PLAA: variants seen among roughly 807,000 people sequenced by gnomAD.
PLAA encodes phospholipase A2 activating protein.
Under a neutral mutation model 84.1 loss-of-function variants are expected in PLAA, and 48 were observed. The observed-to-expected ratio is 0.57, with a 90% confidence interval of 0.45 to 0.73. The LOEUF is 0.73. PLAA is among the 30% of genes least tolerant of loss of function. The pLI is 0.00. For synonymous variants in PLAA, 392 were observed against 336.6 expected (o/e 1.16, Z -1.80); for missense variants, 903 against 954.7 (o/e 0.95, Z 0.71).
In PLAA at chr9:26,935,057, T is replaced by C. The variant is rs1045907951; in HGVS notation, c.299A>G (p.Asp100Gly). 5.6e-6 allele frequency: 9 copies of C among 1,609,306 alleles called. No individual in the cohort carries two copies. The highest frequency in any genetic ancestry group is 7.6e-6 in the Non-Finnish European group (9 of 1,178,386). ...NDHNICIFSL[D>G]SPMPLYILKG... ...TAGAATATAAAGTGGCATTGGACTG[T>C]CCAGTGAGAAAATGCATATATTGTG... The change falls in exon 2 of 14, where the codon GAC (aspartate) becomes GGC (glycine). Residue 100 changes from aspartate to glycine, a missense_variant. Transcript: ENST00000397292.
rs1368698931 is a variant in PLAA, at chr9:26,905,026, A to C, written c.*485T>G. ...TATTGTTTTAATATATGAATTTATAAATTATTTTATAAATTTAATATAATT... is the reference window on the plus strand; with the variant it reads ...TATTGTTTTAATATATGAATTTATACATTATTTTATAAATTTAATATAATT... On this transcript the variant is annotated 3_prime_UTR_variant, in exon 14 of 14. Coordinates refer to ENST00000397292, the MANE Select transcript of PLAA (RefSeq NM_001031689.3). The C allele has an allele frequency of 6.6e-6, 1 of 151,722 alleles. No homozygotes were observed. Among genetic ancestry groups the C allele is most frequent in the Non-Finnish European group, 1.5e-5 (1 of 67,894 alleles). 9.4% of individuals were successfully genotyped at this position (151,722 alleles called of 1,614,324 possible).
At chr9:26,920,525 G>T in intron 7 of PLAA, 141 bp from the exon 8 acceptor site, 2 of 538,018 alleles carry the variant, frequency 3.7e-6, no homozygotes, top group Non-Finnish European at 3.1e-6. Flanking sequence ...TCAAATAAAA[G>T]ATTTAAAAAT....
intron 11 of PLAA, among the ~76,000 whole-genome samples, chr9:26,911,632 T>C (rs142152369): frequency 9.8e-4 from 149 of 152,316 alleles, no homozygotes; most frequent in Middle Eastern, 6.8e-3. Flanking sequence ...AAGTCTCTAT[T>C]ATATTAACAG....
chr9:26,947,074 C>G lies in PLAA; in HGVS notation c.-29G>C. 2.6e-6 allele frequency: 4 copies of G among 1,545,300 alleles called. No individual in the cohort carries two copies. Among genetic ancestry groups the G allele is most frequent in the Non-Finnish European group, 3.5e-6 (4 of 1,146,540 alleles). On this transcript the variant is annotated 5_prime_UTR_variant, in exon 1 of 14. Coordinates refer to ENST00000397292, the MANE Select transcript of PLAA (RefSeq NM_001031689.3). ...CAGTGTCTGTCTGGCGCCCGGTGCC[C>G]AGGCACTGTGCGAGACCAGTCCGCA...
At chr9:26,933,209 A>G (rs1417111122) in intron 2 of PLAA, among the ~76,000 whole-genome samples, 2 of 152,012 alleles carry the variant, frequency 1.3e-5, no homozygotes, top group Non-Finnish European at 2.9e-5. Context: ...CAGACGTTGC[A>G]GTGAGCCAAG....
chr9:26,935,234 C>A, intron 1 of PLAA, 28 bp from the exon 2 acceptor site: 1 of 1,425,888 alleles, frequency 7.0e-7, no homozygotes, highest in Non-Finnish European at 9.4e-7. Flanking sequence ...TTAATAGATA[C>A]ATATTCGTAC....
chr9:26,918,633 T>C (rs141384806), intron 9 of PLAA, among the ~76,000 whole-genome samples: 4 of 152,248 alleles, frequency 2.6e-5, no homozygotes, highest in African/African-American at 7.2e-5. Context: ...CTGAAAAATG[T>C]TGAGTCAGAA....
intron 2 of PLAA, among the ~76,000 whole-genome samples, chr9:26,934,742 G>A: frequency 6.6e-6 from 1 of 151,962 alleles, no homozygotes; most frequent in Non-Finnish European, 1.5e-5. Context: ...CCCTCCCAAA[G>A]TGCTGGGATT....
intron 9 of PLAA, among the ~76,000 whole-genome samples, chr9:26,917,882 G>A (rs2131377038): frequency 6.6e-6 from 1 of 152,298 alleles, no homozygotes; most frequent in South Asian, 2.1e-4. Flanking sequence ...AACAAGCCAA[G>A]TGCTTCCTAG....
At chr9:26,923,929 C>T (rs1030606346) in intron 6 of PLAA, among the ~76,000 whole-genome samples, 5 of 152,194 alleles carry the variant, frequency 3.3e-5, no homozygotes, top group African/African-American at 1.2e-4. Flanking sequence ...ACACTTCCAA[C>T]TGTATTAATC....
chr9:26,911,441 A>G (rs1279957051), intron 11 of PLAA, among the ~76,000 whole-genome samples: 1 of 152,126 alleles, frequency 6.6e-6, no homozygotes, highest in African/African-American at 2.4e-5. Flanking sequence ...ATAAGCCACC[A>G]TGCCCAGCCT....
intron 11 of PLAA, among the ~76,000 whole-genome samples, chr9:26,913,447 T>C (rs1824455549): frequency 6.6e-6 from 1 of 152,158 alleles, no homozygotes; most frequent in Non-Finnish European, 1.5e-5. Flanking sequence ...GAACAATGTA[T>C]AATCCAGTGA....
At chr9:26,929,603 G>T (rs1017467475) in intron 2 of PLAA, among the ~76,000 whole-genome samples, 1 of 152,192 alleles carries the variant, frequency 6.6e-6, no homozygotes, top group Non-Finnish European at 1.5e-5. Context: ...AATCACAAAA[G>T]TCTCTCTACC....
chr9:26,934,174 A>G lies in PLAA; in HGVS notation c.343+839T>C, dbSNP rs1825280295. Among the ~76,000 whole-genome samples, 3 of 152,298 alleles carry G rather than the reference A, an allele frequency of 2.0e-5. No homozygotes were observed. The South Asian group carries it at 6.2e-4, about 32-fold the overall frequency. The stretch of plus-strand genomic sequence containing the variant: ...ACATGTTCCAAACTATTTCATTTAT[A>G]TTTTTAAAAAAGTACACTTACTGCA... On this transcript the variant is annotated intron_variant, in intron 2 of 13. Coordinates refer to ENST00000397292, the MANE Select transcript of PLAA (RefSeq NM_001031689.3).
intron 6 of PLAA, among the ~76,000 whole-genome samples, chr9:26,925,533 C>T (rs1351740863): frequency 6.6e-6 from 1 of 152,240 alleles, no homozygotes; most frequent in Non-Finnish European, 1.5e-5. Flanking sequence ...TTTTCCCACA[C>T]CAATCTCTAC....
At chr9:26,928,032 T>G in intron 4 of PLAA, 68 bp downstream of exon 4, 1 of 1,507,464 alleles carries the variant, frequency 6.6e-7, no homozygotes, top group Non-Finnish European at 9.0e-7. Flanking sequence ...GCTTGTAAAC[T>G]TCTGAGAAAA....
At chr9:26,921,042 A>G (rs1490779343) in intron 7 of PLAA, among the ~76,000 whole-genome samples, 5 of 152,058 alleles carry the variant, frequency 3.3e-5, no homozygotes, top group African/African-American at 9.7e-5. Flanking sequence ...GTAAAAGCCT[A>G]AACTCTTGAG....
intron 13 of PLAA, among the ~76,000 whole-genome samples, chr9:26,907,187 G>A (rs1824263290): frequency 6.6e-6 from 1 of 151,894 alleles, no homozygotes; most frequent in South Asian, 2.1e-4. Flanking sequence ...GGGTTAACAG[G>A]TCACTAAGAG....
intron 9 of PLAA, among the ~76,000 whole-genome samples, chr9:26,917,535 T>G (rs752370304): frequency 6.6e-5 from 10 of 152,228 alleles, no homozygotes; most frequent in Admixed American, 3.3e-4. Context: ...GCTGTTGTTA[T>G]TGTTATCAAA....
Sources: allele counts gnomAD v4.1 joint callset (sites outside exome capture counted in the v4.1 genomes callset), GRCh38; gene constraint gnomAD v4.1.1; transcripts MANE v1.5; gene names NCBI Gene and HGNC (gene_info 2026-07-23, HGNC 2026-07-21).